Variants in PSMF1 observed in about 807,000 individuals in gnomAD.
The protein encoded by PSMF1 is proteasome inhibitor subunit 1.
PSMF1 carries 30 observed loss-of-function variants against 29.3 expected under a neutral mutation model. The ratio of observed to expected loss-of-function variants is 1.02; its 90% CI spans 0.77 to 1.39. The LOEUF (loss-of-function observed/expected upper bound fraction) is 1.39, where lower values mean the gene tolerates loss of function less well. Ranked by LOEUF, PSMF1 falls within the 40% of genes most tolerant of loss-of-function variation. The probability of loss-of-function intolerance (pLI) is 0.00; values close to 1 mark genes in which losing one functional copy is unlikely to be tolerated. For synonymous variants in PSMF1, 134 were observed against 139.7 expected (o/e 0.96, Z 0.29); for missense variants, 344 against 357.5 (o/e 0.96, Z 0.31).
chr20:1,126,907 A>T (rs2086164161), intron 2 of PSMF1, among the ~76,000 whole-genome samples: 1 of 152,140 alleles, frequency 6.6e-6, no homozygotes, highest in Non-Finnish European at 1.5e-5. Context: ...AAGAACCAGG[A>T]TAGCTCATTG....
intron 4 of PSMF1, among the ~76,000 whole-genome samples, chr20:1,159,093 G>A (rs1268709225): frequency 6.6e-6 from 1 of 151,894 alleles, no homozygotes; most frequent in Non-Finnish European, 1.5e-5. Context: ...TGGGTTCTAA[G>A]TGTGTAAATA....
chr20:1,160,556 C>T (rs1422534625), intron 4 of PSMF1: 6 of 447,468 alleles, frequency 1.3e-5, no homozygotes, highest in Non-Finnish European at 2.8e-5. Context: ...TCCCACCGCT[C>T]TGCCGCCCAG....
At chr20:1,142,515 G>A (rs1287892942) in intron 4 of PSMF1, among the ~76,000 whole-genome samples, 2 of 151,394 alleles carry the variant, frequency 1.3e-5, no homozygotes, top group East Asian at 2.0e-4. Flanking sequence ...GTGAGAACAT[G>A]CAGTGTTTGG....
intron 4 of PSMF1, among the ~76,000 whole-genome samples, chr20:1,146,260 T>C (rs1006596785): frequency 3.3e-5 from 5 of 152,284 alleles, no homozygotes; most frequent in Non-Finnish European, 5.9e-5. Flanking sequence ...TCTTTCTGCC[T>C]TTTCATGTGT....
chr20:1,161,108 TG>T, intron 4 of PSMF1: 1 of 462,568 alleles, frequency 2.2e-6, no homozygotes, highest in Non-Finnish European at 3.7e-6. Flanking sequence ...ATCCTGCGTC[TG>T]GACCTGGCTG....
In PSMF1 at chr20:1,166,256, G is replaced by A; in HGVS notation, c.*1176G>A. 3 of 1,612,332 alleles carry A rather than the reference G, an allele frequency of 1.9e-6. No homozygotes were observed. The highest frequency in any genetic ancestry group is 1.1e-5 in the South Asian group (1 of 90,868). The stretch of plus-strand genomic sequence containing the variant: ...AGGCCTGACAGACGCGGGCAGTGAT[G>A]AGCCCTGTTCTGGAGTGGAAAGAGC... On this transcript the variant is annotated 3_prime_UTR_variant, in exon 7 of 7. Coordinates refer to ENST00000335877, the MANE Select transcript of PSMF1 (RefSeq NM_006814.5).
intron 4 of PSMF1, among the ~76,000 whole-genome samples, chr20:1,146,224 C>T (rs192118332): frequency 8.2e-4 from 124 of 151,896 alleles, no homozygotes; most frequent in African/African-American, 2.8e-3. Context: ...GTGTCTTCAC[C>T]GGAAAGGGAA....
chr20:1,155,159 A>G (rs1230788812), intron 4 of PSMF1, among the ~76,000 whole-genome samples: 2 of 152,254 alleles, frequency 1.3e-5, no homozygotes, highest in Non-Finnish European at 2.9e-5. Flanking sequence ...AAATTCAGGG[A>G]AACCCAAAGT....
chr20:1,124,672 A>G (rs539705449), intron 1 of PSMF1, among the ~76,000 whole-genome samples: 1 of 152,394 alleles, frequency 6.6e-6, no homozygotes, highest in East Asian at 1.9e-4. Flanking sequence ...TATAAATTGC[A>G]GCATAGTCAT....
Position 1,166,156 on chromosome 20 carries a change from GGA to G in PSMF1, c.*1078_*1079del. The G allele has an allele frequency of 6.3e-7, 1 of 1,591,938 alleles. No individual in the cohort carries two copies. The highest frequency in any genetic ancestry group is 1.1e-5 in the South Asian group (1 of 87,548). ...CCTCTGAGTGTGGTGTTGAACTTCG[GGA>G]GGAGCAGGGAGCCCTGCACCTTGTG... On this transcript the variant is annotated 3_prime_UTR_variant, in exon 7 of 7. Transcript: ENST00000335877.
intron 2 of PSMF1, chr20:1,125,878 G>A (rs780690992): frequency 1.4e-5 from 10 of 694,732 alleles, no homozygotes; most frequent in Non-Finnish European, 2.4e-5. Flanking sequence ...TGTCAACAGG[G>A]GAATGGTTAA....
chr20:1,129,078 A>G (rs1164030797), intron 3 of PSMF1, among the ~76,000 whole-genome samples: 1 of 150,864 alleles, frequency 6.6e-6, no homozygotes, highest in African/African-American at 2.4e-5. Context: ...ATGGGGTTTC[A>G]CCATGTTAGC....
chr20:1,142,738 C>T, intron 4 of PSMF1, among the ~76,000 whole-genome samples: 1 of 152,204 alleles, frequency 6.6e-6, no homozygotes, highest in Non-Finnish European at 1.5e-5. Flanking sequence ...CATATATGTG[C>T]ATGTGTCTTT....
Position 1,118,763 on chromosome 20 carries a change from C to G in PSMF1, c.-11C>G. 1 of 1,609,034 alleles carries G rather than the reference C, an allele frequency of 6.2e-7. No homozygotes were observed. The highest frequency in any genetic ancestry group is 8.5e-7 in the Non-Finnish European group (1 of 1,176,832). On this transcript the variant is annotated 5_prime_UTR_variant, in exon 1 of 7. Transcript: ENST00000335877. Reference sequence around the variant, plus strand: ...CCTTCTTTCCTCCAGACGCCGAAGTCGCGGGCGCTCATGGCGGGCCTGGAG... The same window carrying G: ...CCTTCTTTCCTCCAGACGCCGAAGTGGCGGGCGCTCATGGCGGGCCTGGAG...
intron 3 of PSMF1, among the ~76,000 whole-genome samples, chr20:1,132,758 C>T (rs1484948844): frequency 1.3e-5 from 2 of 152,118 alleles, no homozygotes; most frequent in Non-Finnish European, 2.9e-5. Context: ...TGATTTCCAT[C>T]AGTATCATTT....
At chr20:1,133,551 ATG>A (rs200084263) in intron 3 of PSMF1, among the ~76,000 whole-genome samples, 1 of 61,196 alleles carries the variant, frequency 1.6e-5, no homozygotes, top group African/African-American at 5.7e-5. Context: ...TAGTCTATAT[ATG>A]TGTATATATA....
At chr20:1,139,829 T>C (rs947239703) in intron 4 of PSMF1, among the ~76,000 whole-genome samples, 7 of 152,064 alleles carry the variant, frequency 4.6e-5, no homozygotes, top group African/African-American at 1.7e-4. Flanking sequence ...ATCCCATTTA[T>C]AACAACCCCC....
intron 4 of PSMF1, chr20:1,161,831 G>C: frequency 3.0e-6 from 1 of 328,088 alleles, no homozygotes; most frequent in Non-Finnish European, 5.7e-6. Context: ...ATTTGTCCTT[G>C]AAGCTTGTGT....
Position 1,172,005 on chromosome 20 carries a change from T to G in PSMF1, c.*6925T>G, listed in dbSNP as rs2086795201. Among the ~76,000 whole-genome samples the G allele has an allele frequency of 6.6e-6, 1 of 152,192 alleles. No individual in the cohort carries two copies. Among genetic ancestry groups the G allele is most frequent in the Admixed American group, 6.5e-5 (1 of 15,282 alleles). The stretch of plus-strand genomic sequence containing the variant: ...TTTGGCTTTCCCCATCTGTAAAATG[T>G]AGATAAGGATGGACCCACCTCCCCA... On this transcript the variant is annotated 3_prime_UTR_variant, in exon 7 of 7. Coordinates refer to ENST00000335877, the MANE Select transcript of PSMF1 (RefSeq NM_006814.5).
Sources: gnomAD v4.1 joint callset for allele counts (sites outside exome capture counted in the v4.1 genomes callset) on GRCh38, gnomAD v4.1.1 for gene constraint, MANE v1.5 for transcripts, NCBI Gene and HGNC (gene_info 2026-07-23, HGNC 2026-07-21) for gene names.